DTNB: variants seen among roughly 807,000 people sequenced by gnomAD.
DTNB encodes the protein dystrobrevin beta.
A neutral mutation model predicts 90.7 loss-of-function variants in DTNB; 63 were observed. The ratio of observed to expected loss-of-function variants is 0.69; its 90% confidence interval spans 0.57 to 0.86. The LOEUF is 0.86. DTNB is among the 40% of genes least tolerant of loss of function. DTNB has a pLI of 0.00. For missense variants in DTNB, 744 were observed against 807.1 expected, an observed-to-expected ratio of 0.92 and a Z score of 0.95; for synonymous variants, 277 against 286.7, an observed-to-expected ratio of 0.97 and a Z score of 0.34.
At chr2:25,507,518 A>T (rs2072754099) in intron 9 of DTNB, among the ~76,000 whole-genome samples, 2 of 151,528 alleles carry the variant, frequency 1.3e-5, no homozygotes, top group South Asian at 4.2e-4. Context: ...TCTCCTTCTC[A>T]CTCTCCAGTA....
intron 9 of DTNB, among the ~76,000 whole-genome samples, chr2:25,522,723 T>TG: frequency 6.7e-6 from 1 of 148,668 alleles, no homozygotes; most frequent in South Asian, 2.2e-4. Context: ...TTTTTTGAGA[T>TG]GGAGTCTTGC....
At chr2:25,550,120 G>T (rs145664280) in intron 8 of DTNB, among the ~76,000 whole-genome samples, 1 of 152,038 alleles carries the variant, frequency 6.6e-6, no homozygotes, top group Non-Finnish European at 1.5e-5. Flanking sequence ...GGCCGGGCGC[G>T]GTGGCTCACG....
At chr2:25,413,145 C>T (rs1178860169) in intron 16 of DTNB, among the ~76,000 whole-genome samples, 1 of 149,876 alleles carries the variant, frequency 6.7e-6, no homozygotes, top group African/African-American at 2.4e-5. Context: ...CTAGAAATAA[C>T]AACATTAATA....
intron 4 of DTNB, among the ~76,000 whole-genome samples, chr2:25,624,267 A>C (rs2073586038): frequency 6.6e-6 from 1 of 152,214 alleles, no homozygotes; most frequent in South Asian, 2.1e-4. Context: ...ATGTCTTCCT[A>C]AAATGTATAA....
At chr2:25,436,570 C>A (rs187255353) in intron 12 of DTNB, among the ~76,000 whole-genome samples, 1 of 151,472 alleles carries the variant, frequency 6.6e-6, no homozygotes, top group African/African-American at 2.4e-5. Flanking sequence ...TAAACAAGGG[C>A]AAAACAGCAT....
At chr2:25,673,082 GCCGGGCCCCCGCTCGCGC>G (rs2086460349) in intron 1 of DTNB, 1 of 152,062 alleles carries the variant, frequency 6.6e-6, no homozygotes, top group African/African-American at 2.4e-5. Context: ...TCAGCCCGGC[GCCGGGCCCCCGCTCGCGC>G]CCGTGCCCCG....
chr2:25,523,836 T>C (rs1356021736), intron 9 of DTNB, among the ~76,000 whole-genome samples: 2 of 151,938 alleles, frequency 1.3e-5, no homozygotes, highest in Non-Finnish European at 2.9e-5. Flanking sequence ...GGTGGATTCT[T>C]AGGCCACTTC....
rs533616346 is a variant in DTNB at position 25,630,179 on chromosome 2, C to G, written c.149-1795G>C. Among the ~76,000 whole-genome samples, 3 of 152,282 alleles carry G rather than the reference C, an allele frequency of 2.0e-5. No homozygotes were observed. In the East Asian group the frequency reaches 5.8e-4, roughly 29 times the overall value. On this transcript the variant is annotated intron_variant, in intron 3 of 20. Transcript: ENST00000406818. The stretch of plus-strand genomic sequence containing the variant: ...TTTAGGGAAATGCAAAAGAAAACTA[C>G]GATAACATACCACTTCACACCAGCC...
chr2:25,625,485 C>T (rs928687881), intron 4 of DTNB, among the ~76,000 whole-genome samples: 6 of 150,680 alleles, frequency 4.0e-5, no homozygotes, highest in Non-Finnish European at 5.9e-5. Flanking sequence ...GTTTTAAACA[C>T]ATCAAAGTAA....
Position 25,424,746 on chromosome 2 carries a change from C to T in DTNB, c.1554+2789G>A, listed in dbSNP as rs2050948909. ...GCAGTGGTGTAATCTCTGCTCACTG[C>T]AGCCTCCACCTCCTGGGCTTAAGCG... On this transcript the variant is annotated intron_variant, in intron 15 of 20. Coordinates refer to ENST00000406818, the MANE Select transcript of DTNB (RefSeq NM_021907.5). The surrounding 1 kb of genome is among the most constrained non-coding windows in gnomAD (Gnocchi z 4.1). 6.6e-6 allele frequency among the ~76,000 whole-genome samples: 1 copy of T among 151,698 alleles called. No homozygotes were observed. The highest frequency in any genetic ancestry group is 1.5e-5 in the Non-Finnish European group (1 of 67,950).
At chr2:25,511,264 T>C (rs983549661) in intron 9 of DTNB, among the ~76,000 whole-genome samples, 4 of 152,248 alleles carry the variant, frequency 2.6e-5, no homozygotes, top group African/African-American at 9.6e-5. Flanking sequence ...ACTTCATTTA[T>C]GTGAGAAATG....
chr2:25,598,775 A>G (rs2065189820), intron 5 of DTNB: 1 of 152,190 alleles, frequency 6.6e-6, no homozygotes, highest in Non-Finnish European at 1.5e-5. Context: ...AAAGTCTATG[A>G]CAGGAGCATG....
At chr2:25,431,001 G>A (rs2053673203) in intron 14 of DTNB, among the ~76,000 whole-genome samples, 1 of 152,182 alleles carries the variant, frequency 6.6e-6, no homozygotes, top group Non-Finnish European at 1.5e-5. Context: ...CTGGGTGCTG[G>A]CAGTCCCTGG....
At chr2:25,574,648 C>T (rs1030730996) in intron 8 of DTNB, among the ~76,000 whole-genome samples, 8 of 152,166 alleles carry the variant, frequency 5.3e-5, no homozygotes, top group African/African-American at 1.9e-4. Flanking sequence ...AAATTGATAG[C>T]ACATCTTTTT....
chr2:25,639,171 T>C (rs537570541), intron 2 of DTNB, 77 bp from the exon 3 acceptor site: 23 of 1,405,930 alleles, frequency 1.6e-5, no homozygotes, highest in South Asian at 1.4e-4. Context: ...CTCCATTCTA[T>C]TGTATTGTCA....
intron 13 of DTNB, among the ~76,000 whole-genome samples, chr2:25,433,531 T>C (rs897448425): frequency 2.6e-5 from 4 of 152,084 alleles, no homozygotes; most frequent in Non-Finnish European, 5.9e-5. Context: ...AATTTTTTTT[T>C]TTTTTTAAGG....
intron 1 of DTNB, among the ~76,000 whole-genome samples, chr2:25,657,060 C>T (rs976518828): frequency 2.0e-5 from 3 of 152,118 alleles, no homozygotes; most frequent in African/African-American, 7.2e-5. Context: ...CCTGTAATGC[C>T]AGCTAATTGG....
chr2:25,628,692 C>T (rs1213816031), intron 3 of DTNB, among the ~76,000 whole-genome samples: 1 of 152,182 alleles, frequency 6.6e-6, no homozygotes, highest in Non-Finnish European at 1.5e-5. Context: ...TCAAGAACTA[C>T]TCCTAAGAAC....
chr2:25,410,349 GCA>G (rs1452201656), intron 16 of DTNB, among the ~76,000 whole-genome samples: 4 of 152,024 alleles, frequency 2.6e-5, no homozygotes, highest in Admixed American at 2.6e-4. Flanking sequence ...GGGGGGTGTG[GCA>G]CACACCCCAA....
Sources: gnomAD v4.1 joint callset for allele counts (sites outside exome capture counted in the v4.1 genomes callset) on GRCh38, gnomAD v4.1.1 for gene constraint, Gnocchi (gnomAD v3.1) non-coding constraint, MANE v1.5 for transcripts, NCBI Gene and HGNC (gene_info 2026-07-23, HGNC 2026-07-21) for gene names.